RYR2: variants seen among roughly 807,000 people sequenced by gnomAD.
The protein encoded by RYR2 is ryanodine receptor 2.
RYR2 carries 227 observed loss-of-function variants against 601.1 expected under a neutral mutation model. That is an observed-to-expected ratio of 0.38 (90% CI 0.34 to 0.42). RYR2 has a LOEUF of 0.42. RYR2 is among the 10% of genes least tolerant of loss of function. The probability of loss-of-function intolerance (pLI) is 1.00; values close to 1 mark genes in which losing one functional copy is unlikely to be tolerated. For missense variants in RYR2, 4,646 were observed against 6,156.5 expected (o/e 0.75, Z 8.21); for synonymous variants, 2,223 against 2,175.1 (o/e 1.02, Z -0.61).
At chr1:237,485,674 C>T (rs1002856845) in intron 17 of RYR2, among the ~76,000 whole-genome samples, 4 of 152,176 alleles carry the variant, frequency 2.6e-5, no homozygotes, top group African/African-American at 9.7e-5. Flanking sequence ...CTGTCTGGTT[C>T]ACTGCTGATC....
At position 237,614,851 on chromosome 1, in the gene RYR2, G is replaced by T; in HGVS notation, c.5715+8G>T. The T allele has an allele frequency of 6.5e-7, 1 of 1,546,392 alleles. No individual in the cohort carries two copies. Among genetic ancestry groups the T allele is most frequent in the South Asian group, 1.3e-5 (1 of 78,378 alleles). On this transcript the variant is annotated splice_region_variant and intron_variant, in intron 37 of 104. Coordinates refer to ENST00000366574, the MANE Select transcript of RYR2 (RefSeq NM_001035.3). The surrounding 1 kb of genome is among the most constrained non-coding windows in gnomAD (Gnocchi z 4.3). ...GAGCCAGTTAAATTGCAGGTAATCA[G>T]AACAAGAGACTTGAGTGAATTTCAG...
chr1:237,754,837 G>T (rs1273249539), intron 80 of RYR2, among the ~76,000 whole-genome samples: 3 of 152,170 alleles, frequency 2.0e-5, no homozygotes, highest in Non-Finnish European at 4.4e-5. Flanking sequence ...TGTCTGTGTG[G>T]TTCTGTTTCT....
At chr1:237,508,844 G>A (rs1302986694) in intron 23 of RYR2, among the ~76,000 whole-genome samples, 18 of 138,980 alleles carry the variant, frequency 1.3e-4, no homozygotes, top group East Asian at 2.4e-4. Context: ...CCGGGTTCAC[G>A]CCATTCTCCT....
At chr1:237,291,839 G>C (rs1258415463) in intron 2 of RYR2, among the ~76,000 whole-genome samples, 1 of 152,164 alleles carries the variant, frequency 6.6e-6, no homozygotes, top group Non-Finnish European at 1.5e-5. Flanking sequence ...TGCAGTGGTG[G>C]TTATGTCATT....
chr1:237,736,808 C>T lies in RYR2; in HGVS notation c.11091+3052C>T, dbSNP rs533523608. 3.9e-5 allele frequency among the ~76,000 whole-genome samples: 6 copies of T among 152,328 alleles called. No individual in the cohort carries two copies. The South Asian group carries it at 1.2e-3, about 32-fold the overall frequency. On this transcript the variant is annotated intron_variant, in intron 79 of 104. Transcript: ENST00000366574. ...TGTCTACGAATTTGTAGCAGTAATG[C>T]TCCCCCTGGCTGTGTGAGGACAACT...
intron 1 of RYR2, among the ~76,000 whole-genome samples, chr1:237,086,995 G>A (rs1432777739): frequency 2.0e-5 from 3 of 152,166 alleles, no homozygotes; most frequent in African/African-American, 7.2e-5. Flanking sequence ...TGTTGTGCCA[G>A]AGAGTTCTTC....
At chr1:237,566,511 C>T (rs1034249967) in intron 27 of RYR2, 56 bp from the exon 28 acceptor site, 4 of 1,519,522 alleles carry the variant, frequency 2.6e-6, no homozygotes, top group Non-Finnish European at 3.6e-6. Flanking sequence ...TGATATCTTT[C>T]CTTCTCTTTC....
intron 1 of RYR2, among the ~76,000 whole-genome samples, chr1:237,148,776 A>G (rs1674365258): frequency 6.6e-6 from 1 of 152,050 alleles, no homozygotes; most frequent in South Asian, 2.1e-4. Flanking sequence ...AATGATAATT[A>G]TACCGACTTC....
At chr1:237,086,787 G>A (rs137952147) in intron 1 of RYR2, among the ~76,000 whole-genome samples, 1 of 152,154 alleles carries the variant, frequency 6.6e-6, no homozygotes, top group Admixed American at 6.5e-5. Flanking sequence ...CAGCGTTATG[G>A]TTTGAGTATG....
At chr1:237,244,201 T>C (rs560001691) in intron 1 of RYR2, among the ~76,000 whole-genome samples, 63 of 152,330 alleles carry the variant, frequency 4.1e-4, no homozygotes, top group African/African-American at 1.4e-3. Flanking sequence ...TGCTTAGATG[T>C]CACCGTTTAA....
At chr1:237,788,230 A>G in intron 92 of RYR2, 95 bp downstream of exon 92, 1 of 955,274 alleles carries the variant, frequency 1.0e-6, no homozygotes, top group Admixed American at 2.7e-5. Context: ...CCTGAGTGGC[A>G]GTTAGGGAAC....
At chr1:237,201,279 T>C (rs1681162878) in intron 1 of RYR2, among the ~76,000 whole-genome samples, 1 of 152,220 alleles carries the variant, frequency 6.6e-6, no homozygotes, top group Non-Finnish European at 1.5e-5. Context: ...ATTGAGGTCC[T>C]GGCACTGCCC....
chr1:237,589,902 T>C lies in RYR2; in HGVS notation c.3708T>C (p.Tyr1236=), dbSNP rs1464803822. 1.9e-6 allele frequency: 3 copies of C among 1,613,964 alleles called. No homozygotes were observed. The highest frequency in any genetic ancestry group is 2.5e-6 in the Non-Finnish European group (3 of 1,179,878). Residue 1236 remains tyrosine, a synonymous_variant, in exon 30 of 105, where the codon TAT becomes TAC. Coordinates refer to ENST00000366574, the MANE Select transcript of RYR2 (RefSeq NM_001035.3). ...CCATCTGTGGCTTACAAGAGGGCTATGAACCATTTGCCGTTAATACAAACA... is the reference window on the plus strand; with the variant it reads ...CCATCTGTGGCTTACAAGAGGGCTACGAACCATTTGCCGTTAATACAAACA... ...YFTICGLQEG[Y]EPFAVNTNRD... is the part of the protein sequence containing the mutation.
At chr1:237,695,514 A>G (rs1477632485) in intron 63 of RYR2, among the ~76,000 whole-genome samples, 1 of 152,206 alleles carries the variant, frequency 6.6e-6, no homozygotes, top group East Asian at 1.9e-4. Context: ...TGAATCAATT[A>G]TGTAAACTTA....
chr1:237,723,885 T>TAAAACAAGAATAC (rs1245988783), intron 74 of RYR2, among the ~76,000 whole-genome samples: 1 of 152,034 alleles, frequency 6.6e-6, no homozygotes, highest in Non-Finnish European at 1.5e-5. Context: ...CACAAGAATG[T>TAAAACAAGAATAC]GTAAAACAAG....
Position 237,503,447 on chromosome 1 carries a change from G to A in RYR2, c.2555G>A (p.Gly852Asp). 1 of 1,613,884 alleles carries A rather than the reference G, an allele frequency of 6.2e-7. No individual in the cohort carries two copies. Among genetic ancestry groups the A allele is most frequent in the Non-Finnish European group, 8.5e-7 (1 of 1,179,872 alleles). ...QERTYTRDLL[G>D]PTVSLTQAAF... is the part of the protein sequence containing the mutation. ...AGAACTTACACACGCGACCTGCTGG[G>A]CCCCACAGTTTCCCTGACGCAAGCT... The change falls in exon 22 of 105, where the codon GGC becomes GAC. Residue 852 changes from glycine to aspartate, a missense_variant. Gly to Asp is a moderately conservative substitution (Grantham distance 94). Transcript: ENST00000366574.
At chr1:237,074,934 A>C (rs191325410) in intron 1 of RYR2, among the ~76,000 whole-genome samples, 96 of 152,292 alleles carry the variant, frequency 6.3e-4, no homozygotes, top group African/African-American at 2.1e-3. Context: ...CTGAACATGC[A>C]GCTGGATTGT....
intron 27 of RYR2, among the ~76,000 whole-genome samples, chr1:237,563,576 A>G (rs74399431): frequency 1.3e-5 from 2 of 152,036 alleles, no homozygotes; most frequent in Non-Finnish European, 2.9e-5. Context: ...ATAGCATAGC[A>G]TTAGGGCCAG....
chr1:237,649,822 G>A, intron 49 of RYR2, 55 bp from the exon 50 acceptor site: 1 of 1,489,794 alleles, frequency 6.7e-7, no homozygotes, highest in Non-Finnish European at 9.3e-7. Flanking sequence ...TAATCCCTTT[G>A]AAGATTATCT....
Sources: gnomAD v4.1 joint callset for allele counts (sites outside exome capture counted in the v4.1 genomes callset) on GRCh38, gnomAD v4.1.1 for gene constraint, Gnocchi (gnomAD v3.1) non-coding constraint, MANE v1.5 for transcripts, NCBI Gene and HGNC (gene_info 2026-07-23, HGNC 2026-07-21) for gene names.